Variants in RP1 observed in about 807,000 individuals in gnomAD.
RP1 encodes oxygen-regulated protein 1.
In RP1, 16 loss-of-function variants were observed where a neutral mutation model predicts 14.8. The observed-to-expected ratio is 1.08, with a 90% CI of 0.73 to 1.65. RP1 has a LOEUF of 1.65. Among genes scored for constraint, RP1 ranks in the 40% most tolerant of loss-of-function variants. The pLI is 0.00. For missense variants in RP1, 2,631 were observed against 2,535.0 expected (o/e 1.04, Z -0.81); for synonymous variants, 876 against 883.6 (o/e 0.99, Z 0.15).
At chr8:54,816,068 G>T (rs1002194656) in intron 24 of RP1, among the ~76,000 whole-genome samples, 3 of 152,126 alleles carry the variant, frequency 2.0e-5, no homozygotes, top group Admixed American at 2.0e-4. Flanking sequence ...AGGTGTAAAT[G>T]TGAAGCCTTA....
At chr8:54,787,622 T>C (rs1045405227) in intron 24 of RP1, among the ~76,000 whole-genome samples, 1 of 152,186 alleles carries the variant, frequency 6.6e-6, no homozygotes, top group Non-Finnish European at 1.5e-5. Flanking sequence ...GTATTCTCCG[T>C]TGCTGGGAAA....
At chr8:54,835,554 A>C (rs1291320062) in intron 24 of RP1, among the ~76,000 whole-genome samples, 3 of 152,110 alleles carry the variant, frequency 2.0e-5, no homozygotes, top group African/African-American at 7.2e-5. Flanking sequence ...TAGATTAGAT[A>C]TATTTAGACC....
chr8:54,621,429 AGCCTAGTGGTCTTCAG>A lies in RP1; in HGVS notation c.465_480del (p.Ser155ArgfsTer13). 1 of 1,613,446 alleles carries A rather than the reference AGCCTAGTGGTCTTCAG, an allele frequency of 6.2e-7. No homozygotes were observed. On this transcript the variant is annotated frameshift_variant, in exon 2 of 4. Transcript: ENST00000220676. LOFTEE classifies it high-confidence loss of function. The stretch of plus-strand genomic sequence containing the variant: ...TCCCGGCATGCCCCGCCCCCCACGG[AGCCTAGTGGTCTTCAG>A]GAATGGCGACCCGAAGACGAGGCGT...
At chr8:54,748,806 G>T (rs562006697) in intron 19 of RP1, among the ~76,000 whole-genome samples, 1 of 152,132 alleles carries the variant, frequency 6.6e-6, no homozygotes, top group Non-Finnish European at 1.5e-5. Context: ...TTCAGAAAAA[G>T]CTTTGTGTAT....
chr8:54,774,559 T>A (rs145454421), downstream of RP1, among the ~76,000 whole-genome samples: 244 of 152,294 alleles, frequency 1.6e-3, 1 homozygote, highest in African/African-American at 5.5e-3. Context: ...TCAGGAAGTG[T>A]TAAGTGAGCA....
intron 24 of RP1, among the ~76,000 whole-genome samples, chr8:54,823,111 C>T (rs745337199): frequency 2.0e-5 from 3 of 151,984 alleles, no homozygotes; most frequent in Non-Finnish European, 4.4e-5. Context: ...TGTGACTCCC[C>T]GCCGCCCCCT....
intron 5 of RP1, chr8:54,652,959 A>G (rs1353481967): frequency 2.5e-6 from 2 of 800,902 alleles, no homozygotes; most frequent in African/African-American, 1.7e-5. Flanking sequence ...GAGTTGATAG[A>G]GTCCTGTACC....
At chr8:54,700,104 T>A (rs865927793) in intron 13 of RP1, among the ~76,000 whole-genome samples, 6 of 152,138 alleles carry the variant, frequency 3.9e-5, no homozygotes, top group Admixed American at 1.3e-4. Flanking sequence ...TAGGATTAAG[T>A]GAGTTGCACA....
chr8:54,803,385 C>T (rs1031445648), intron 24 of RP1, among the ~76,000 whole-genome samples: 9 of 152,038 alleles, frequency 5.9e-5, no homozygotes, highest in Non-Finnish European at 1.2e-4. Context: ...CTTGTAACAC[C>T]GGGGATTATG....
intron 24 of RP1, among the ~76,000 whole-genome samples, chr8:54,829,841 G>A (rs2129400740): frequency 6.6e-6 from 1 of 152,222 alleles, no homozygotes; most frequent in East Asian, 1.9e-4. Context: ...AATTTACTAA[G>A]AATTATATGA....
intron 1 of RP1, among the ~76,000 whole-genome samples, chr8:54,575,602 G>A (rs1391599702): frequency 6.6e-6 from 1 of 152,032 alleles, no homozygotes; most frequent in Non-Finnish European, 1.5e-5. Flanking sequence ...TCGTCACCTC[G>A]TTTGCTATCA....
At chr8:54,811,480 T>C (rs1332840165) in intron 24 of RP1, among the ~76,000 whole-genome samples, 1 of 152,208 alleles carries the variant, frequency 6.6e-6, no homozygotes, top group East Asian at 1.9e-4. Context: ...AGCCCCCTCT[T>C]GCAGTACTAA....
At chr8:54,638,241 G>A (rs111452227) in intron 3 of RP1, among the ~76,000 whole-genome samples, 4 of 151,818 alleles carry the variant, frequency 2.6e-5, no homozygotes, top group Admixed American at 6.6e-5. Flanking sequence ...AGTTCGAGAC[G>A]AGCCTCGGCA....
chr8:54,758,440 T>A (rs1809560575), intron 21 of RP1, among the ~76,000 whole-genome samples: 1 of 142,298 alleles, frequency 7.0e-6, no homozygotes, highest in South Asian at 2.2e-4. Flanking sequence ...GAAGGATGTA[T>A]TGAAGGAGGG....
intron 12 of RP1, among the ~76,000 whole-genome samples, chr8:54,692,949 A>G (rs1034350461): frequency 2.6e-5 from 4 of 152,052 alleles, no homozygotes; most frequent in Non-Finnish European, 5.9e-5. Flanking sequence ...TTATGGTTTT[A>G]GGTCTAACAT....
At position 54,750,940 on chromosome 8, in the gene RP1, C is replaced by T. The variant is rs149845658; in HGVS notation, c.2809-3863C>T. Among the ~76,000 whole-genome samples, 692 of 152,294 alleles carry T rather than the reference C, an allele frequency of 4.5e-3. 20 individuals are homozygous for T. The East Asian group carries it at 0.071, about 16-fold the overall frequency. ...GAAAAATAAGGGAATAAAAGCTGGC[C>T]ACGCCAGCCAGCGGTGGCAACCTGC... On this transcript the variant is annotated intron_variant, in intron 19 of 22. Transcript: ENST00000636932.
At chr8:54,736,516 G>A (rs771751072) in intron 18 of RP1, among the ~76,000 whole-genome samples, 1 of 152,150 alleles carries the variant, frequency 6.6e-6, no homozygotes, top group Non-Finnish European at 1.5e-5. Context: ...GCCTGGGAAG[G>A]TGTGTGCCGT....
At chr8:54,766,142 G>A (rs1585673719) in intron 22 of RP1, among the ~76,000 whole-genome samples, 1 of 152,052 alleles carries the variant, frequency 6.6e-6, no homozygotes, top group Non-Finnish European at 1.5e-5. Context: ...GTCTCATTAC[G>A]AATAATTTAT....
intron 1 of RP1, chr8:54,560,200 A>G (rs1804254170): frequency 6.6e-6 from 1 of 151,684 alleles, no homozygotes; most frequent in Non-Finnish European, 1.5e-5. Flanking sequence ...GAGGGTTGGG[A>G]CCTCCATCCC....
Sources: allele counts gnomAD v4.1 joint callset (sites outside exome capture counted in the v4.1 genomes callset), GRCh38; gene constraint gnomAD v4.1.1; transcripts MANE v1.5; gene names NCBI Gene and HGNC (gene_info 2026-07-23, HGNC 2026-07-21).